Variants in CPAP observed in about 807,000 individuals in gnomAD.
CPAP encodes the protein centrosomal P4.1-associated protein.
At chr13:24,884,470 A>T in the CPAP span, 1 of 1,613,908 alleles carries the variant, frequency 6.2e-7, no homozygotes, top group Non-Finnish European at 8.5e-7. Flanking sequence ...CCACCTAAAA[A>T]ACCAACACAA....
At chr13:24,928,171 T>C in the CPAP span, among the ~76,000 whole-genome samples, 78,363 of 152,054 alleles carry the variant, frequency 0.52, 20,291 homozygotes, top group South Asian at 0.61. Context: ...CCAGCAGTCC[T>C]CTAGCTGCTC....
At chr13:24,883,339 A>ATTAT in the CPAP span, 1 of 1,613,362 alleles carries the variant, frequency 6.2e-7, no homozygotes, top group Non-Finnish European at 8.5e-7. Flanking sequence ...CTCTTTGGCC[A>ATTAT]TTATTAAACT....
At chr13:24,891,377 G>T in the CPAP span, among the ~76,000 whole-genome samples, 1 of 152,100 alleles carries the variant, frequency 6.6e-6, no homozygotes, top group Non-Finnish European at 1.5e-5. Flanking sequence ...GTGCTGTCGT[G>T]TGCAGCTGCC....
At chr13:24,906,612 G>A in the CPAP span, 2 of 1,614,208 alleles carry the variant, frequency 1.2e-6, no homozygotes, top group Non-Finnish European at 8.5e-7. Flanking sequence ...TTCCCCGTCT[G>A]TATTTTCAAT....
chr13:24,921,277 G>A, the CPAP span, among the ~76,000 whole-genome samples: 1 of 152,182 alleles, frequency 6.6e-6, no homozygotes, highest in African/African-American at 2.4e-5. Flanking sequence ...TGCCTCCCCA[G>A]AACCTTAGGA....
chr13:24,905,457 G>A, the CPAP span: 2 of 1,614,154 alleles, frequency 1.2e-6, no homozygotes, highest in South Asian at 1.1e-5. Flanking sequence ...TCCGATGTAG[G>A]AGGACTTCTG....
chr13:24,932,065 C>G, the CPAP span, among the ~76,000 whole-genome samples: 2 of 151,388 alleles, frequency 1.3e-5, no homozygotes, highest in Non-Finnish European at 2.9e-5. Flanking sequence ...CTGCGCTCTC[C>G]GAGTGCGAGT....
At chr13:24,882,866 ACTT>A in the CPAP span, 85,805 of 356,646 alleles carry the variant, frequency 0.24, 11,291 homozygotes, top group Non-Finnish European at 0.29. Flanking sequence ...TACTTCCTGT[ACTT>A]CTTGGTTTTT....
chr13:24,904,224 C>T, the CPAP span, among the ~76,000 whole-genome samples: 1 of 152,174 alleles, frequency 6.6e-6, no homozygotes, highest in Non-Finnish European at 1.5e-5. Context: ...TTAAACCTAA[C>T]TTTCCTGAGG....
At chr13:24,904,404 C>T in the CPAP span, among the ~76,000 whole-genome samples, 1 of 152,176 alleles carries the variant, frequency 6.6e-6, no homozygotes, top group African/African-American at 2.4e-5. Context: ...AGCTAATCAA[C>T]ACCAAAATCA....
chr13:24,924,485 C>T, the CPAP span, among the ~76,000 whole-genome samples: 1 of 152,140 alleles, frequency 6.6e-6, no homozygotes, highest in Admixed American at 6.5e-5. Context: ...AAGTTTTCAC[C>T]TGTAGCCCAT....
chr13:24,925,487 G>A, the CPAP span, among the ~76,000 whole-genome samples: 2 of 152,326 alleles, frequency 1.3e-5, no homozygotes, highest in Non-Finnish European at 1.5e-5. Flanking sequence ...GTGTGCACCT[G>A]TAGCCCTACA....
the CPAP span, chr13:24,899,457 T>C: frequency 8.1e-6 from 13 of 1,613,742 alleles, no homozygotes; most frequent in Middle Eastern, 1.6e-4. Flanking sequence ...GGAAAAGTTC[T>C]TGCAGCTGTA....
the CPAP span, among the ~76,000 whole-genome samples, chr13:24,933,827 C>T: frequency 2.6e-5 from 4 of 152,004 alleles, no homozygotes; most frequent in Non-Finnish European, 4.4e-5. Context: ...TGAGTTCAAG[C>T]AATTCTCCTG....
the CPAP span, chr13:24,892,504 C>G: frequency 2.8e-6 from 2 of 704,762 alleles, no homozygotes; most frequent in South Asian, 1.6e-5. Flanking sequence ...AAGATGGAAA[C>G]TGTCCACATT....
chr13:24,897,110 T>G, the CPAP span, among the ~76,000 whole-genome samples: 1 of 152,256 alleles, frequency 6.6e-6, no homozygotes, highest in East Asian at 1.9e-4. Context: ...GCCATGGTGG[T>G]GGGCACCTAT....
At chr13:24,903,983 T>A in the CPAP span, 2 of 1,614,018 alleles carry the variant, frequency 1.2e-6, no homozygotes, top group Non-Finnish European at 1.7e-6. Flanking sequence ...AGATGCGTTC[T>A]CAGCTTTAAA....
chr13:24,914,768 C>T, the CPAP span, among the ~76,000 whole-genome samples: 15,141 of 151,744 alleles, frequency 0.1, 904 homozygotes, highest in Non-Finnish European at 0.14. Context: ...AGAACAAAAC[C>T]CTGTCTCAAA....
the CPAP span, among the ~76,000 whole-genome samples, chr13:24,920,094 C>A: frequency 6.6e-6 from 1 of 152,150 alleles, no homozygotes; most frequent in East Asian, 1.9e-4. Context: ...TCTATCATGA[C>A]AGATGGTGTC....
Sources: gnomAD v4.1 joint callset for allele counts (sites outside exome capture counted in the v4.1 genomes callset) on GRCh38, gnomAD v4.1.1 for gene constraint, MANE v1.5 for transcripts, NCBI Gene and HGNC (gene_info 2026-07-23, HGNC 2026-07-21) for gene names.